The following LSAMP variants were observed in gnomAD, a reference collection of about 807,000 sequenced individuals.
LSAMP encodes the protein limbic system associated membrane protein.
Under a neutral mutation model 38.6 loss-of-function variants are expected in LSAMP, and 7 were observed. The observed-to-expected ratio is 0.18, with a 90% CI of 0.10 to 0.34. The LOEUF is 0.34. Ranked by LOEUF, LSAMP falls within the 10% of genes least tolerant of loss-of-function variation. The pLI is 1.00. For synonymous variants in LSAMP, 154 were observed against 166.8 expected (o/e 0.92, Z 0.59); for missense variants, 313 against 420.0 (o/e 0.75, Z 2.23).
chr3:116,387,126 C>T (rs1267436800), intron 1 of LSAMP, among the ~76,000 whole-genome samples: 1 of 152,018 alleles, frequency 6.6e-6, no homozygotes, highest in Non-Finnish European at 1.5e-5. Flanking sequence ...GCATATGTAA[C>T]TAAAAAAGGT....
intron 3 of LSAMP, among the ~76,000 whole-genome samples, chr3:115,999,556 T>G (rs1276344506): frequency 6.6e-6 from 1 of 152,114 alleles, no homozygotes; most frequent in Non-Finnish European, 1.5e-5. Context: ...AACAAAAAGA[T>G]TCAAATCCCT....
chr3:115,929,884 G>T (rs1937552549), intron 3 of LSAMP, among the ~76,000 whole-genome samples: 1 of 150,618 alleles, frequency 6.6e-6, no homozygotes, highest in South Asian at 2.1e-4. Flanking sequence ...ATTAAGCATA[G>T]TTCTATTTTA....
intron 3 of LSAMP, among the ~76,000 whole-genome samples, chr3:115,917,151 T>C (rs966220526): frequency 1.2e-4 from 18 of 152,206 alleles, no homozygotes; most frequent in African/African-American, 4.1e-4. Flanking sequence ...TGGTTTCAGA[T>C]ATTTCCTAGG....
Position 116,019,528 on chromosome 3 carries a change from G to A in LSAMP, c.501C>T (p.His167=). The change falls in exon 3 of 7, where the codon CAC becomes CAT. Residue 167 remains histidine (H), a synonymous_variant. Coordinates refer to ENST00000490035, the MANE Select transcript of LSAMP (RefSeq NM_002338.5). ...AGTATTGCTTACCAGTTGGTGTAAG[G>A]TGTCTCCAGGTGATAACAGGTTCAG... ...GRPEPVITWR[H]LTPTGREFEG... is the part of the protein sequence containing the mutation. The A allele has an allele frequency of 1.9e-6, 3 of 1,612,248 alleles. No individual in the cohort carries two copies. The highest frequency in any genetic ancestry group is 2.5e-6 in the Non-Finnish European group (3 of 1,178,704).
chr3:115,904,582 C>T (rs1456780395), intron 3 of LSAMP, among the ~76,000 whole-genome samples: 4 of 152,076 alleles, frequency 2.6e-5, no homozygotes, highest in Non-Finnish European at 5.9e-5. Context: ...TTCTTCCTAA[C>T]CTGTGTCCTT....
At chr3:116,314,694 G>A (rs2047604913) in intron 1 of LSAMP, among the ~76,000 whole-genome samples, 1 of 152,184 alleles carries the variant, frequency 6.6e-6, no homozygotes. Context: ...CCTGCGTCTG[G>A]AAGCCCTTTG....
rs1161196727 is a variant in LSAMP at position 115,808,870 on chromosome 3, C to T, written c.*1447G>A. On this transcript the variant is annotated 3_prime_UTR_variant, in exon 7 of 7. Transcript: ENST00000490035. Reference sequence around the variant, plus strand: ...CAGAATACAGTAGGAGCCTGGGCATCTGTTGACTTTTTCTGCCTTGCTCAC... The same window carrying T: ...CAGAATACAGTAGGAGCCTGGGCATTTGTTGACTTTTTCTGCCTTGCTCAC... 6.6e-6 allele frequency: 1 copy of T among 152,216 alleles called. No homozygotes were observed. The highest frequency in any genetic ancestry group is 2.4e-5 in the African/African-American group (1 of 41,454). The allele number at this position is 152,216 out of a possible 1,614,324, so 9.4% of individuals were successfully genotyped here. A position where few individuals can be genotyped will look rare whatever the true frequency, so the allele number is the denominator to read the frequency against.
chr3:115,819,350 G>C (rs1161841223), intron 6 of LSAMP, among the ~76,000 whole-genome samples: 2 of 151,792 alleles, frequency 1.3e-5, no homozygotes, highest in Non-Finnish European at 2.9e-5. Context: ...CAGGAGAATC[G>C]CTTGAACCTG....
intron 1 of LSAMP, among the ~76,000 whole-genome samples, chr3:116,147,135 A>AT (rs1207457430): frequency 3.3e-5 from 5 of 151,840 alleles, no homozygotes; most frequent in Admixed American, 1.3e-4. Flanking sequence ...TCAAAAGCCA[A>AT]TTTTTTTACA....
intron 3 of LSAMP, among the ~76,000 whole-genome samples, chr3:115,916,163 A>G (rs1269427176): frequency 6.6e-6 from 1 of 152,086 alleles, no homozygotes; most frequent in Non-Finnish European, 1.5e-5. Context: ...GGCCACAGAG[A>G]GTGCTTGGCC....
At chr3:115,940,083 G>T (rs1400838180) in intron 3 of LSAMP, among the ~76,000 whole-genome samples, 1 of 152,126 alleles carries the variant, frequency 6.6e-6, no homozygotes, top group Admixed American at 6.6e-5. Flanking sequence ...CGCATCTGGA[G>T]TTGTTTGTTC....
intron 3 of LSAMP, among the ~76,000 whole-genome samples, chr3:115,971,002 C>G (rs1232644869): frequency 1.3e-5 from 2 of 152,062 alleles, no homozygotes; most frequent in Admixed American, 1.3e-4. Flanking sequence ...AGGTGACAGA[C>G]AGAGTAATGG....
chr3:116,100,838 C>T (rs1311582108), intron 1 of LSAMP, among the ~76,000 whole-genome samples: 1 of 152,164 alleles, frequency 6.6e-6, no homozygotes, highest in Middle Eastern at 3.2e-3. Flanking sequence ...TTTATTCAGA[C>T]TTCAATCTCA....
intron 3 of LSAMP, among the ~76,000 whole-genome samples, chr3:115,919,017 C>T (rs1261373125): frequency 6.6e-6 from 1 of 152,130 alleles, no homozygotes; most frequent in Non-Finnish European, 1.5e-5. Flanking sequence ...TACAATATCT[C>T]TTGGGAGATG....
At position 115,871,301 on chromosome 3, in the gene LSAMP, T is replaced by C. The variant is rs1936025460; in HGVS notation, c.515-18684A>G. Among the ~76,000 whole-genome samples the C allele has an allele frequency of 2.0e-5, 3 of 152,092 alleles. No homozygotes were observed. The South Asian group carries it at 6.2e-4, about 32-fold the overall frequency. ...CTCCCTTCTTTTAAACTGTGCTCTTTACCCAGGGTCAAGACTCAAGACTAA... is the reference window on the plus strand; with the variant it reads ...CTCCCTTCTTTTAAACTGTGCTCTTCACCCAGGGTCAAGACTCAAGACTAA... On this transcript the variant is annotated intron_variant, in intron 3 of 6. Coordinates refer to ENST00000490035, the MANE Select transcript of LSAMP (RefSeq NM_002338.5).
At chr3:115,980,190 A>G (rs1004651547) in intron 3 of LSAMP, among the ~76,000 whole-genome samples, 1 of 152,128 alleles carries the variant, frequency 6.6e-6, no homozygotes. Flanking sequence ...TTTTCAGACT[A>G]TTAATCCCTT....
At chr3:116,244,409 C>T (rs1395406501) in intron 1 of LSAMP, among the ~76,000 whole-genome samples, 1 of 152,166 alleles carries the variant, frequency 6.6e-6, no homozygotes, top group African/African-American at 2.4e-5. Context: ...AACCCATGTC[C>T]TCCCACCTAA....
At chr3:115,988,449 T>C (rs2107638310) in intron 3 of LSAMP, among the ~76,000 whole-genome samples, 1 of 152,082 alleles carries the variant, frequency 6.6e-6, no homozygotes, top group African/African-American at 2.4e-5. Context: ...GAATAAAGTG[T>C]TTTTTGTTTG....
rs75554078 is a variant in LSAMP at position 116,004,954 on chromosome 3, G to A, written c.514+14561C>T. 2.3e-3 allele frequency among the ~76,000 whole-genome samples: 352 copies of A among 152,172 alleles called. 2 individuals are homozygous for A. Among genetic ancestry groups the A allele is most frequent in the African/African-American group, 8.1e-3 (335 of 41,528 alleles). On this transcript the variant is annotated intron_variant, in intron 3 of 6. Coordinates refer to ENST00000490035, the MANE Select transcript of LSAMP (RefSeq NM_002338.5). ...AGAAATTGTCAATGCAGAGTACCTG[G>A]GACAAGACTGACATGAAGTAGGGAC...
Sources: allele counts gnomAD v4.1 joint callset (sites outside exome capture counted in the v4.1 genomes callset), GRCh38; gene constraint gnomAD v4.1.1; transcripts MANE v1.5; gene names NCBI Gene and HGNC (gene_info 2026-07-23, HGNC 2026-07-21).